PLPP7: variants seen among roughly 807,000 people sequenced by gnomAD.
PLPP7 encodes phospholipid phosphatase 7 (inactive).
Under a neutral mutation model 16.9 loss-of-function variants are expected in PLPP7, and 11 were observed. The observed-to-expected ratio is 0.65, with a 90% CI of 0.41 to 1.08. The LOEUF is 1.08. Ranked by LOEUF, PLPP7 falls within the 50% of genes least tolerant of loss-of-function variation. PLPP7 has a pLI of 0.00. For missense variants in PLPP7, 358 were observed against 397.1 expected, an observed-to-expected ratio of 0.90 and a Z score of 0.84; for synonymous variants, 174 against 175.1, an observed-to-expected ratio of 0.99 and a Z score of 0.05.
intron 1 of PLPP7, among the ~76,000 whole-genome samples, chr9:131,305,543 G>A (rs1176127111): frequency 6.6e-6 from 1 of 151,934 alleles, no homozygotes; most frequent in Non-Finnish European, 1.5e-5. Flanking sequence ...AACAGAAAGA[G>A]ACACCATCTC....
In PLPP7 at chr9:131,295,965, AG is replaced by A. The variant is rs1835731466; in HGVS notation, c.451+5519del. Among the ~76,000 whole-genome samples, 1 of 152,178 alleles carries A rather than the reference AG, an allele frequency of 6.6e-6. No individual in the cohort carries two copies. The highest frequency in any genetic ancestry group is 6.6e-5 in the Admixed American group (1 of 15,266). Reference sequence around the variant, plus strand: ...TTCTGAGTAACGCTGCCGTGCGCACAGGTGTATATGCATCTTCTTGAGCCCC... The same window carrying A: ...TTCTGAGTAACGCTGCCGTGCGCACAGTGTATATGCATCTTCTTGAGCCCC... On this transcript the variant is annotated intron_variant, in intron 1 of 1. Coordinates refer to ENST00000372264, the MANE Select transcript of PLPP7 (RefSeq NM_032728.4). The surrounding 1 kb of genome is among the most constrained non-coding windows in gnomAD (Gnocchi z 4.0).
rs139687878 is a variant in PLPP7, at chr9:131,305,283, C to T, written c.452-2640C>T. On this transcript the variant is annotated intron_variant, in intron 1 of 1. Coordinates refer to ENST00000372264, the MANE Select transcript of PLPP7 (RefSeq NM_032728.4). ...AACAAATTGTGGCCGGGCACAGTGG[C>T]TCACGCCTGGAATCCCAGCACTTTG... Among the ~76,000 whole-genome samples the T allele has an allele frequency of 7.8e-3, 1,189 of 152,310 alleles. 47 individuals carry two copies. The highest frequency in any genetic ancestry group is 0.066 in the Admixed American group (1,013 of 15,308).
chr9:131,298,831 G>C (rs962685681), intron 1 of PLPP7, among the ~76,000 whole-genome samples: 1 of 152,200 alleles, frequency 6.6e-6, no homozygotes, highest in Non-Finnish European at 1.5e-5. Flanking sequence ...AGAAGGGTGG[G>C]CCTCGAGGTG....
At chr9:131,302,619 G>T (rs1324289721) in intron 1 of PLPP7, among the ~76,000 whole-genome samples, 1 of 152,192 alleles carries the variant, frequency 6.6e-6, no homozygotes, top group Non-Finnish European at 1.5e-5. Context: ...GGCAGGCAAG[G>T]GTAGAGCAAG....
intron 1 of PLPP7, chr9:131,291,496 A>T: frequency 1.2e-6 from 1 of 846,520 alleles, no homozygotes; most frequent in South Asian, 4.2e-5. Context: ...GGGAGGCAGA[A>T]ACCATTGGAT....
chr9:131,299,819 G>C (rs549186741), intron 1 of PLPP7, among the ~76,000 whole-genome samples: 1 of 152,162 alleles, frequency 6.6e-6, no homozygotes, highest in African/African-American at 2.4e-5. Flanking sequence ...CCCAAGAACC[G>C]GCGGTGCCCA....
chr9:131,308,198 G>A lies in PLPP7; in HGVS notation c.727G>A (p.Gly243Ser), dbSNP rs201563743. 34 of 1,599,862 alleles carry A rather than the reference G, an allele frequency of 2.1e-5. No individual in the cohort carries two copies. The highest frequency in any genetic ancestry group is 1.7e-5 in the Admixed American group (1 of 59,988). Reference protein sequence around the residue: ...GRHHVTDVLSGFVIGYLQFRL... With the variant: ...GRHHVTDVLSSFVIGYLQFRL... ...CCACCACGTCACGGACGTCCTCTCC[G>A]GCTTTGTCATCGGCTACCTCCAGTT... The change falls in exon 2 of 2, where the codon GGC becomes AGC. Residue 243 changes from glycine (G) to serine (S), a missense_variant. Transcript: ENST00000372264.
chr9:131,291,579 CAG>C (rs1835678740), intron 1 of PLPP7: 1 of 187,300 alleles, frequency 5.3e-6, no homozygotes. Context: ...TTTTTTTTGA[CAG>C]AGTCTCGCTC....
At chr9:131,296,332 C>T (rs1053317775) in intron 1 of PLPP7, among the ~76,000 whole-genome samples, 2 of 152,112 alleles carry the variant, frequency 1.3e-5, no homozygotes, top group African/African-American at 2.4e-5. Context: ...GATGCGATCT[C>T]GGTTCACTGC....
In PLPP7 at chr9:131,307,925, C is replaced by T. The variant is rs1368362246; in HGVS notation, c.454C>T (p.Leu152=). 2 of 1,581,690 alleles carry T rather than the reference C, an allele frequency of 1.3e-6. No homozygotes were observed. The highest frequency in any genetic ancestry group is 2.7e-5 in the African/African-American group (2 of 74,596). The stretch of plus-strand genomic sequence containing the variant: ...GGGCCTCTGTCTCCCCCCAACAGCC[C>T]TGCTCCTGGACATCATGACGGTGGC... ...QEVLMNLLLA[L]LLDIMTVAGV... The change falls in exon 2 of 2, where the codon CTG becomes TTG. Residue 152 remains leucine, a splice_region_variant and synonymous_variant. Transcript: ENST00000372264.
Position 131,290,165 on chromosome 9 carries a change from C to G in PLPP7, c.168C>G (p.Ala56=), listed in dbSNP as rs1325135526. 6.3e-7 allele frequency: 1 copy of G among 1,577,834 alleles called. No individual in the cohort carries two copies. The highest frequency in any genetic ancestry group is 1.3e-5 in the African/African-American group (1 of 74,210). The change falls in exon 1 of 2, where the codon GCC becomes GCG. Residue 56 remains alanine (A), a synonymous_variant. Transcript: ENST00000372264. The surrounding 1 kb of genome is among the most constrained non-coding windows in gnomAD (Gnocchi z 4.2). ...SAQPPPAGDG[A]RERRQSQQLP... is the part of the protein sequence containing the mutation. ...AGCCCCCACCTGCTGGTGACGGGGC[C>G]AGAGAGCGACGCCAGTCACAGCAGC...
intron 1 of PLPP7, among the ~76,000 whole-genome samples, chr9:131,299,020 G>A (rs967039698): frequency 2.0e-5 from 3 of 152,146 alleles, no homozygotes; most frequent in African/African-American, 7.2e-5. Flanking sequence ...GGTGTCCTCT[G>A]ACATGGTCCC....
Position 131,293,979 on chromosome 9 carries a change from C to T in PLPP7, c.451+3531C>T, listed in dbSNP as rs553335891. Among the ~76,000 whole-genome samples, 12 of 152,290 alleles carry T rather than the reference C, an allele frequency of 7.9e-5. No homozygotes were observed. The South Asian group carries it at 2.5e-3, about 32-fold the overall frequency. Reference sequence around the variant, plus strand: ...CAGTTGGGACCTGGGTTCCACTTGGCTCTGAAGAGGCAGACTTGGGAGCTT... The same window carrying T: ...CAGTTGGGACCTGGGTTCCACTTGGTTCTGAAGAGGCAGACTTGGGAGCTT... On this transcript the variant is annotated intron_variant, in intron 1 of 1. Transcript: ENST00000372264.
At chr9:131,306,780 A>T (rs1290396077) in intron 1 of PLPP7, among the ~76,000 whole-genome samples, 1 of 152,096 alleles carries the variant, frequency 6.6e-6, no homozygotes, top group Non-Finnish European at 1.5e-5. Context: ...AGAGAAGGGG[A>T]TGGGGAGTGG....
At chr9:131,302,790 CCAAA>C (rs1053553679) in intron 1 of PLPP7, among the ~76,000 whole-genome samples, 30 of 152,118 alleles carry the variant, frequency 2.0e-4, no homozygotes, top group African/African-American at 6.8e-4. Context: ...GATTCAAACC[CCAAA>C]CAGAGAGACC....
At chr9:131,292,179 T>TA (rs926783477) in intron 1 of PLPP7, among the ~76,000 whole-genome samples, 23 of 152,160 alleles carry the variant, frequency 1.5e-4, no homozygotes, top group African/African-American at 5.5e-4. Context: ...CTGCTCTCAT[T>TA]ATCCACAGTT....
intron 1 of PLPP7, chr9:131,291,459 G>A (rs2131211909): frequency 9.3e-7 from 1 of 1,078,264 alleles, no homozygotes; most frequent in Non-Finnish European, 1.1e-6. Flanking sequence ...TCAGTCTGGA[G>A]GCTCTATGCT....
At chr9:131,307,579 A>AAAAAAC (rs1564249620) in intron 1 of PLPP7, among the ~76,000 whole-genome samples, 6 of 148,618 alleles carry the variant, frequency 4.0e-5, no homozygotes, top group African/African-American at 1.3e-4. Flanking sequence ...AAAAAAAAAA[A>AAAAAAC]AAAAACCCAA....
At chr9:131,291,426 A>C in intron 1 of PLPP7, 1 of 1,140,978 alleles carries the variant, frequency 8.8e-7, no homozygotes, top group Non-Finnish European at 1.1e-6. Flanking sequence ...TACAATAAAA[A>C]CACGTATCTC....
Sources: allele counts gnomAD v4.1 joint callset (sites outside exome capture counted in the v4.1 genomes callset), GRCh38; gene constraint gnomAD v4.1.1; non-coding constraint Gnocchi (gnomAD v3.1); transcripts MANE v1.5; gene names NCBI Gene and HGNC (gene_info 2026-07-23, HGNC 2026-07-21).